BSN: variants seen among roughly 807,000 people sequenced by gnomAD.
The protein encoded by BSN is bassoon presynaptic cytomatrix protein.
BSN carries 57 observed loss-of-function variants against 264.8 expected under a neutral mutation model. That is an observed-to-expected ratio of 0.22 (90% CI 0.17 to 0.27). The LOEUF (loss-of-function observed/expected upper bound fraction) is 0.27. Among genes scored for constraint, BSN ranks in the 10% least tolerant of loss-of-function variants. The probability of loss-of-function intolerance (pLI) is 1.00; values close to 1 mark genes in which losing one functional copy is unlikely to be tolerated. For missense variants in BSN, 4,615 were observed against 5,232.5 expected (o/e 0.88, Z 3.64); for synonymous variants, 2,059 against 2,137.3 (o/e 0.96, Z 1.01).
chr3:49,657,222 C>G lies in BSN; in HGVS notation c.7666C>G (p.Arg2556Gly). The G allele has an allele frequency of 6.2e-7, 1 of 1,613,442 alleles. No homozygotes were observed. The highest frequency in any genetic ancestry group is 2.2e-5 in the East Asian group (1 of 44,876). ...WEASRSGIKK[R>G]HSMPRLRDAC... is the part of the protein sequence containing the mutation. ...GGCCAGCCGTAGTGGCATCAAGAAGCGGCACTCCATGCCACGCCTGCGGGA... is the reference window on the plus strand; with the variant it reads ...GGCCAGCCGTAGTGGCATCAAGAAGGGGCACTCCATGCCACGCCTGCGGGA... The change falls in exon 5 of 12, where the codon CGG (arginine) becomes GGG (glycine). Residue 2556 changes from arginine (R) to glycine (G), a missense_variant. Transcript: ENST00000296452.
At chr3:49,672,181 C>T (rs2052787128), downstream of BSN, among the ~76,000 whole-genome samples, 1 of 152,056 alleles carries the variant, frequency 6.6e-6, no homozygotes, top group Middle Eastern at 3.2e-3. Context: ...TGCAATATAT[C>T]CTGTTTTCTA....
intron 1 of BSN, among the ~76,000 whole-genome samples, chr3:49,580,497 T>C (rs2051887859): frequency 6.6e-6 from 1 of 151,980 alleles, no homozygotes; most frequent in Non-Finnish European, 1.5e-5. Context: ...AGTGGTGCGA[T>C]CATGACGCAC....
chr3:49,594,971 G>C (rs927332183), intron 1 of BSN, among the ~76,000 whole-genome samples: 2 of 142,754 alleles, frequency 1.4e-5, no homozygotes, highest in African/African-American at 5.2e-5. Flanking sequence ...GCTCACTGCC[G>C]TCTCTGCCTC....
At position 49,652,476 on chromosome 3, in the gene BSN, C is replaced by T. The variant is rs779247950; in HGVS notation, c.2920C>T (p.Arg974Cys). 20 of 1,613,670 alleles carry T rather than the reference C, an allele frequency of 1.2e-5. No individual in the cohort carries two copies. The highest frequency in any genetic ancestry group is 6.7e-5 in the East Asian group (3 of 44,888). Residue 974 changes from arginine (R) to cysteine (C), a missense_variant, in exon 5 of 12, where the codon CGC (arginine) becomes TGC (cysteine). Around this residue, in one of 3 missense-constraint regions of BSN, gnomAD observed 1,197 missense variants for 1,348.0 expected, o/e 0.89. Transcript: ENST00000296452. Reference sequence around the variant, plus strand: ...GAGCCTAACGGGCTCCCCTGAGGACCGCTCCCGTGGTGAGCACTCCTCTAC... The same window carrying T: ...GAGCCTAACGGGCTCCCCTGAGGACTGCTCCCGTGGTGAGCACTCCTCTAC... ...MESLTGSPED[R>C]SRGEHSSTLP... is the part of the protein sequence containing the mutation.
chr3:49,563,002 G>A (rs1253207000), intron 1 of BSN, among the ~76,000 whole-genome samples: 4 of 152,190 alleles, frequency 2.6e-5, no homozygotes, highest in Non-Finnish European at 5.9e-5. Context: ...GCTGATTTCT[G>A]TGAAATGTGT....
chr3:49,569,446 T>C (rs1180987280), intron 1 of BSN, among the ~76,000 whole-genome samples: 1 of 152,190 alleles, frequency 6.6e-6, no homozygotes, highest in African/African-American at 2.4e-5. Context: ...AAGTGCCTAC[T>C]AGTTGATGTC....
rs769453767 is a variant in BSN, at chr3:49,655,776, G to A, written c.6220G>A (p.Gly2074Ser). The A allele has an allele frequency of 1.7e-5, 28 of 1,613,308 alleles. No individual in the cohort carries two copies. Among genetic ancestry groups the A allele is most frequent in the Middle Eastern group, 1.6e-4 (1 of 6,084 alleles). ...VSNIYSDHRY[G>S]PRGDAVGFQE... ...GAACATCTACTCAGACCACAGGTAC[G>A]GCCCACGGGGAGATGCAGTTGGCTT... Residue 2074 changes from glycine (G) to serine (S), a missense_variant, in exon 5 of 12, where the codon GGC (glycine) becomes AGC (serine). Gly to Ser is a moderately conservative substitution (Grantham distance 56). Transcript: ENST00000296452.
chr3:49,581,658 T>C (rs975718093), intron 1 of BSN, among the ~76,000 whole-genome samples: 4 of 152,028 alleles, frequency 2.6e-5, no homozygotes, highest in African/African-American at 9.7e-5. Context: ...ACCCTGTCTC[T>C]ACTAAAAATA....
rs1318112649 is a variant in BSN, at chr3:49,642,676, G to T, written c.1042G>T (p.Gly348Cys). The change falls in exon 3 of 12, where the codon GGT (glycine) becomes TGT (cysteine). Residue 348 changes from glycine to cysteine, a missense_variant. Around this residue, in one of 3 missense-constraint regions of BSN, gnomAD observed 1,197 missense variants for 1,348.0 expected, o/e 0.89. Coordinates refer to ENST00000296452, the MANE Select transcript of BSN (RefSeq NM_003458.4). This position sits in a 1 kb window ranked among gnomAD's most constrained non-coding sequence, Gnocchi z 7.0. ...ATEQTQEGLT[G>C]KLFGLGASLL... ...TGAGCAGACCCAGGAGGGCCTCACT[G>T]GTAAGCTCTTCGGCCTTGGCGCGTC... 6.2e-7 allele frequency: 1 copy of T among 1,611,482 alleles called. No homozygotes were observed. Among genetic ancestry groups the T allele is most frequent in the South Asian group, 1.1e-5 (1 of 90,916 alleles).
rs184065729 is a variant in BSN, at chr3:49,625,173, C to T, written c.423C>T (p.Ser141=). 21 of 1,568,524 alleles carry T rather than the reference C, an allele frequency of 1.3e-5. No homozygotes were observed. Among genetic ancestry groups the T allele is most frequent in the Non-Finnish European group, 1.7e-5 (20 of 1,154,926 alleles). The change falls in exon 2 of 12, where the codon TCC becomes TCT. Residue 141 remains serine, a synonymous_variant. Coordinates refer to ENST00000296452, the MANE Select transcript of BSN (RefSeq NM_003458.4). The surrounding 1 kb of genome is among the most constrained non-coding windows in gnomAD (Gnocchi z 4.4). ...GCAGGACACAGAGATCAGGGCGGTC[C>T]CCCTCAGTGTCACCGGACAGAGGCA... ...VDSRTQRSGR[S]PSVSPDRGST...
intron 1 of BSN, among the ~76,000 whole-genome samples, chr3:49,591,183 A>C (rs2108024163): frequency 6.6e-6 from 1 of 152,270 alleles, no homozygotes; most frequent in Non-Finnish European, 1.5e-5. Context: ...GGTTCAAGTT[A>C]CTATCTGATC....
rs1379965123 is a variant in BSN, at chr3:49,642,524, C to A, written c.890C>A (p.Pro297Gln). ...VPGPAQAAAP[P>Q]EVGRVSPQPP... ...GGGCCTGCCCAAGCAGCTGCCCCTC[C>A]AGAGGTGGGGAGGGTGTCTCCTCAG... The change falls in exon 3 of 12, where the codon CCA becomes CAA. Residue 297 changes from proline (P) to glutamine (Q), a missense_variant. Pro to Gln is a moderately conservative substitution (Grantham distance 76). Coordinates refer to ENST00000296452, the MANE Select transcript of BSN (RefSeq NM_003458.4). The surrounding 1 kb of genome is among the most constrained non-coding windows in gnomAD (Gnocchi z 7.0). 1 of 1,580,340 alleles carries A rather than the reference C, an allele frequency of 6.3e-7. No homozygotes were observed. The highest frequency in any genetic ancestry group is 8.6e-7 in the Non-Finnish European group (1 of 1,161,680).
chr3:49,612,070 G>A (rs2052210308), intron 1 of BSN, among the ~76,000 whole-genome samples: 1 of 151,582 alleles, frequency 6.6e-6, no homozygotes, highest in African/African-American at 2.4e-5. Flanking sequence ...ATAAGAAACA[G>A]AAAAGAAAAC....
chr3:49,667,094 T>C (rs2052718477), intron 11 of BSN, among the ~76,000 whole-genome samples: 1 of 152,198 alleles, frequency 6.6e-6, no homozygotes, highest in Non-Finnish European at 1.5e-5. Context: ...AGCTTTGTTC[T>C]GCGTCCTGCC....
In BSN at chr3:49,658,055, TCTCCGCCAGCAGACGCTGC is replaced by T; in HGVS notation, c.8503_8521del (p.Arg2835AlafsTer3). On this transcript the variant is annotated frameshift_variant, in exon 5 of 12. Coordinates refer to ENST00000296452, the MANE Select transcript of BSN (RefSeq NM_003458.4). LOFTEE classifies it high-confidence loss of function. ...AGAAGCACTTCACGGCTGACAGCGCTCTCCGCCAGCAGACGCTGCCTCGCCCCATGAAGACCCTGCAGCG... is the reference window on the plus strand; with the variant it reads ...AGAAGCACTTCACGGCTGACAGCGCTCTCGCCCCATGAAGACCCTGCAGCG... 6.2e-7 allele frequency: 1 copy of T among 1,613,368 alleles called. No homozygotes were observed. The highest frequency in any genetic ancestry group is 8.5e-7 in the Non-Finnish European group (1 of 1,179,948).
chr3:49,605,524 A>ATAATATATATT (rs1491484096), intron 1 of BSN, among the ~76,000 whole-genome samples: 1 of 4,394 alleles, frequency 2.3e-4, no homozygotes, highest in Non-Finnish European at 3.1e-4. Flanking sequence ...ATATATATAT[A>ATAATATATATT]ATATATAATA....
At chr3:49,561,314 C>T (rs751758672) in intron 1 of BSN, among the ~76,000 whole-genome samples, 1 of 152,196 alleles carries the variant, frequency 6.6e-6, no homozygotes, top group Non-Finnish European at 1.5e-5. Flanking sequence ...GCCTCAGCAG[C>T]AAGGATCACC....
chr3:49,666,559 G>A (rs2052715056), intron 11 of BSN, among the ~76,000 whole-genome samples: 1 of 152,234 alleles, frequency 6.6e-6, no homozygotes, highest in South Asian at 2.1e-4. Flanking sequence ...AGCCAGAGAA[G>A]CAGAGCTATG....
chr3:49,564,111 C>T (rs1381794969), intron 1 of BSN, among the ~76,000 whole-genome samples: 2 of 152,148 alleles, frequency 1.3e-5, no homozygotes, highest in Non-Finnish European at 2.9e-5. Context: ...CCTGGACTGC[C>T]CTGCCCAAGG....
Sources: allele counts gnomAD v4.1 joint callset (sites outside exome capture counted in the v4.1 genomes callset), GRCh38; gene constraint gnomAD v4.1.1; regional missense constraint gnomAD v4.1.1; non-coding constraint Gnocchi (gnomAD v3.1); transcripts MANE v1.5; gene names NCBI Gene and HGNC (gene_info 2026-07-23, HGNC 2026-07-21).